Variants in ELOVL4 observed in about 807,000 individuals in gnomAD.
ELOVL4 encodes ELOVL fatty acid elongase 4, also known as very long chain fatty acid elongase 4.
ELOVL4 carries 18 observed loss-of-function variants against 42.1 expected under a neutral mutation model. The ratio of observed to expected loss-of-function variants is 0.43; its 90% CI spans 0.30 to 0.63. The LOEUF (loss-of-function observed/expected upper bound fraction) is 0.63, where lower values mean the gene tolerates loss of function less well. ELOVL4 is among the 30% of genes least tolerant of loss of function. The pLI, the probability that ELOVL4 is intolerant of heterozygous loss-of-function variation, is 0.15. For missense variants in ELOVL4, 299 were observed against 376.2 expected (o/e 0.79, Z 1.70); for synonymous variants, 117 against 127.0 (o/e 0.92, Z 0.53).
chr6:79,944,987 C>CAAAAAAAAAA (rs200726708), intron 1 of ELOVL4, among the ~76,000 whole-genome samples: 5 of 92,994 alleles, frequency 5.4e-5, no homozygotes, highest in African/African-American at 1.4e-4. Context: ...TGAATGAGTC[C>CAAAAAAAAAA]AAAAAAAAAA....
intron 1 of ELOVL4, among the ~76,000 whole-genome samples, chr6:79,929,820 C>T (rs1774413634): frequency 6.6e-6 from 1 of 152,172 alleles, no homozygotes; most frequent in Admixed American, 6.5e-5. Context: ...GCACTCATTA[C>T]ACTGTCCAGT....
At chr6:79,923,020 C>T (rs1366970377) in intron 3 of ELOVL4, among the ~76,000 whole-genome samples, 1 of 152,106 alleles carries the variant, frequency 6.6e-6, no homozygotes, top group African/African-American at 2.4e-5. Flanking sequence ...AAGTAACTGT[C>T]ACCATTTTGG....
At chr6:79,935,053 G>C (rs1774520158) in intron 1 of ELOVL4, among the ~76,000 whole-genome samples, 1 of 152,068 alleles carries the variant, frequency 6.6e-6, no homozygotes, top group African/African-American at 2.4e-5. Context: ...AAATTATTTA[G>C]AGAGGCTATT....
intron 1 of ELOVL4, among the ~76,000 whole-genome samples, chr6:79,945,944 T>C (rs1774733168): frequency 6.6e-6 from 1 of 152,254 alleles, no homozygotes; most frequent in South Asian, 2.1e-4. Context: ...GAATGCAGTA[T>C]TAATGCCAAA....
At chr6:79,939,123 C>T (rs370794064) in intron 1 of ELOVL4, among the ~76,000 whole-genome samples, 75 of 152,206 alleles carry the variant, frequency 4.9e-4, no homozygotes, top group African/African-American at 1.7e-3. Context: ...TCTAGCCACT[C>T]GGATTTTTTT....
intron 1 of ELOVL4, among the ~76,000 whole-genome samples, chr6:79,943,537 T>A (rs550437524): frequency 6.6e-6 from 1 of 152,240 alleles, no homozygotes; most frequent in South Asian, 2.1e-4. Flanking sequence ...TTAGGAGAAG[T>A]AGAGATGAGA....
At position 79,947,259 on chromosome 6, in the gene ELOVL4, C is replaced by T. The variant is rs540728291; in HGVS notation, c.21G>A (p.Glu7=). The T allele has an allele frequency of 2.2e-5, 36 of 1,612,906 alleles. No individual in the cohort carries two copies. The South Asian group carries it at 3.4e-4, about 15-fold the overall frequency. The change falls in exon 1 of 6, where the codon GAG becomes GAA. Residue 7 remains glutamate (E), a synonymous_variant. Transcript: ENST00000369816. ...ACACTACGTTTAGGACACTACCCGG[C>T]TCCGAGTCCAGGAGCCCCATCGCGG... The part of the protein sequence containing the change: MGLLDS[E]PGSVLNVVST...
chr6:79,945,398 C>T (rs989109763), intron 1 of ELOVL4, among the ~76,000 whole-genome samples: 1 of 152,156 alleles, frequency 6.6e-6, no homozygotes, highest in African/African-American at 2.4e-5. Flanking sequence ...ACAAAATTTC[C>T]TGTTTCATTT....
chr6:79,939,766 A>T (rs1221372490), intron 1 of ELOVL4, among the ~76,000 whole-genome samples: 1 of 151,980 alleles, frequency 6.6e-6, no homozygotes, highest in Admixed American at 6.6e-5. Context: ...CCACCTCCCA[A>T]AGTGCTAGCA....
At chr6:79,917,111 T>C (rs775036283) in intron 5 of ELOVL4, among the ~76,000 whole-genome samples, 2 of 148,226 alleles carry the variant, frequency 1.3e-5, no homozygotes, top group Non-Finnish European at 2.9e-5. Context: ...CCCAATCCCA[T>C]TAACCAAAGA....
At position 79,916,564 on chromosome 6, in the gene ELOVL4, G is replaced by A. The variant is rs1475529073; in HGVS notation, c.*44C>T. 2.5e-6 allele frequency: 4 copies of A among 1,609,860 alleles called. No individual in the cohort carries two copies. Among genetic ancestry groups the A allele is most frequent in the Non-Finnish European group, 3.4e-6 (4 of 1,178,250 alleles). The stretch of plus-strand genomic sequence containing the variant: ...TTTCCCTGAAATTTTATATGATATG[G>A]GAGTTTTTCCTCACTGTCAACAACA... On this transcript the variant is annotated 3_prime_UTR_variant, in exon 6 of 6. Coordinates refer to ENST00000369816, the MANE Select transcript of ELOVL4 (RefSeq NM_022726.4).
chr6:79,940,550 T>C (rs923967864), intron 1 of ELOVL4, among the ~76,000 whole-genome samples: 1 of 152,140 alleles, frequency 6.6e-6, no homozygotes, highest in Non-Finnish European at 1.5e-5. Flanking sequence ...TCATTTGTAA[T>C]GATGTATGTT....
At chr6:79,927,176 A>G (rs1448551760) in intron 1 of ELOVL4, among the ~76,000 whole-genome samples, 1 of 152,160 alleles carries the variant, frequency 6.6e-6, no homozygotes, top group Non-Finnish European at 1.5e-5. Context: ...TGCCACAAGT[A>G]AAACATTTCT....
At position 79,915,533 on chromosome 6, in the gene ELOVL4, T is replaced by C. The variant is rs188242906; in HGVS notation, c.*1075A>G. ...AATTAAACACATTGAAAGAGAAGGA[T>C]AGTTTCACAGAAATGTTTGGTGTAT... is the stretch of plus-strand genomic sequence containing the variant. On this transcript the variant is annotated 3_prime_UTR_variant, in exon 6 of 6. Coordinates refer to ENST00000369816, the MANE Select transcript of ELOVL4 (RefSeq NM_022726.4). 93 of 152,630 alleles carry C rather than the reference T, an allele frequency of 6.1e-4. No individual in the cohort carries two copies. Among genetic ancestry groups the C allele is most frequent in the African/African-American group, 2.1e-3 (86 of 41,568 alleles). The allele number at this position is 152,630 out of a possible 1,614,324, so 9.5% of individuals were successfully genotyped here. A position where few individuals can be genotyped will look rare whatever the true frequency, so the allele number is the denominator to read the frequency against.
At position 79,921,782 on chromosome 6, in the gene ELOVL4, C is replaced by G. The variant is rs1287931539; in HGVS notation, c.384G>C (p.Leu128=). Residue 128 remains leucine, a synonymous_variant, in exon 4 of 6, where the codon CTG becomes CTC. Transcript: ENST00000369816. ...CTCCTTTAGATACAAAGTACCACCA[C>G]AGAGCAGCAGCTATCTGTAAAAAGG... The part of the protein sequence containing the change: ...NVHEVRIAAA[L]WWYFVSKGVE... 1.2e-6 allele frequency: 2 copies of G among 1,613,912 alleles called. No individual in the cohort carries two copies. The highest frequency in any genetic ancestry group is 8.5e-7 in the Non-Finnish European group (1 of 1,179,976).
chr6:79,921,909 G>T, intron 3 of ELOVL4, 113 bp from the exon 4 acceptor site: 4 of 1,037,488 alleles, frequency 3.9e-6, no homozygotes, highest in Non-Finnish European at 5.8e-6. Flanking sequence ...AATGTACAAG[G>T]CATGGAATCA....
intron 1 of ELOVL4, among the ~76,000 whole-genome samples, chr6:79,934,515 A>G (rs1338956601): frequency 6.6e-6 from 1 of 152,156 alleles, no homozygotes; most frequent in Non-Finnish European, 1.5e-5. Flanking sequence ...GCTGCAGCCT[A>G]TTCTCTCCCA....
chr6:79,946,641 C>T (rs1344794063), intron 1 of ELOVL4, among the ~76,000 whole-genome samples: 1 of 152,204 alleles, frequency 6.6e-6, no homozygotes, highest in Non-Finnish European at 1.5e-5. Flanking sequence ...TTTTACTTTT[C>T]AGTCCGAATT....
intron 2 of ELOVL4, 57 bp from the exon 3 acceptor site, chr6:79,925,089 C>T (rs1774321861): frequency 1.8e-6 from 2 of 1,099,550 alleles, no homozygotes; most frequent in Admixed American, 1.7e-5. Flanking sequence ...GCATTAAAAA[C>T]ACAATTATAT....
Sources: allele counts gnomAD v4.1 joint callset (sites outside exome capture counted in the v4.1 genomes callset), GRCh38; gene constraint gnomAD v4.1.1; transcripts MANE v1.5; gene names NCBI Gene and HGNC (gene_info 2026-07-23, HGNC 2026-07-21).